Variants in UPB1 observed in about 807,000 individuals in gnomAD.
The protein encoded by UPB1 is beta-ureidopropionase 1.
Under a neutral mutation model 49.1 loss-of-function variants are expected in UPB1, and 40 were observed. That is an observed-to-expected ratio of 0.81 (90% confidence interval 0.63 to 1.06). The LOEUF (loss-of-function observed/expected upper bound fraction) is 1.06, where lower values mean the gene tolerates loss of function less well. Ranked by LOEUF, UPB1 falls within the 50% of genes least tolerant of loss-of-function variation. UPB1 has a pLI of 0.00. For missense variants in UPB1, 499 were observed against 505.9 expected, an observed-to-expected ratio of 0.99 and a Z score of 0.13; for synonymous variants, 207 against 198.2, an observed-to-expected ratio of 1.04 and a Z score of -0.38.
At chr22:24,510,084 TAGCCAGG>T (rs2044170328) in intron 3 of UPB1, among the ~76,000 whole-genome samples, 1 of 151,854 alleles carries the variant, frequency 6.6e-6, no homozygotes, top group Admixed American at 6.6e-5. Flanking sequence ...AATACAAAAT[TAGCCAGG>T]CATGGTGGCG....
chr22:24,508,285 G>A (rs963750410), intron 3 of UPB1, among the ~76,000 whole-genome samples: 1 of 152,238 alleles, frequency 6.6e-6, no homozygotes, highest in Non-Finnish European at 1.5e-5. Context: ...GGGGCCAGAT[G>A]TGGTGGCTCA....
chr22:24,515,646 C>T (rs2044281510), intron 6 of UPB1, among the ~76,000 whole-genome samples: 1 of 152,196 alleles, frequency 6.6e-6, no homozygotes, highest in Non-Finnish European at 1.5e-5. Context: ...GAAAATAATT[C>T]CCCCCTTTCC....
chr22:24,508,260 A>G (rs1008012859), intron 3 of UPB1, among the ~76,000 whole-genome samples: 1 of 152,126 alleles, frequency 6.6e-6, no homozygotes, highest in Non-Finnish European at 1.5e-5. Flanking sequence ...TAATCCCTCT[A>G]AAAGTAATGG....
chr22:24,502,351 C>A, intron 3 of UPB1, 138 bp downstream of exon 3: 1 of 934,762 alleles, frequency 1.1e-6, no homozygotes, highest in Non-Finnish European at 1.8e-6. Flanking sequence ...CCGTCCACAT[C>A]ACCAGGAACC....
intron 6 of UPB1, among the ~76,000 whole-genome samples, chr22:24,517,375 G>A (rs1012795178): frequency 6.6e-6 from 1 of 152,226 alleles, no homozygotes; most frequent in Non-Finnish European, 1.5e-5. Flanking sequence ...CAGCTACCAG[G>A]CCTGGGCAGA....
rs1189618089 is a variant in UPB1, at chr22:24,515,051, T to G, written c.622-150T>G. Reference sequence around the variant, plus strand: ...GGTGTCAGGGTTTTTTTGTGTGTGTTTTGTTTTTATCATATTGAAATTCTG... The same window carrying G: ...GGTGTCAGGGTTTTTTTGTGTGTGTGTTGTTTTTATCATATTGAAATTCTG... On this transcript the variant is annotated intron_variant, in intron 5 of 9. Coordinates refer to ENST00000326010, the MANE Select transcript of UPB1 (RefSeq NM_016327.3). 11 of 1,054,058 alleles carry G rather than the reference T, an allele frequency of 1.0e-5. No individual in the cohort carries two copies. In the Admixed American group the frequency reaches 2.2e-4, roughly 21 times the overall value. 65.3% of individuals were successfully genotyped at this position (1,054,058 alleles called of 1,614,324 possible).
At chr22:24,523,157 C>G (rs1389976125) in intron 8 of UPB1, among the ~76,000 whole-genome samples, 2 of 152,132 alleles carry the variant, frequency 1.3e-5, no homozygotes, top group African/African-American at 4.8e-5. Context: ...ATGCTAGGCC[C>G]TGCCCAGCCC....
At chr22:24,506,139 G>A (rs1003163448) in intron 3 of UPB1, among the ~76,000 whole-genome samples, 9 of 150,982 alleles carry the variant, frequency 6.0e-5, no homozygotes, top group Non-Finnish European at 1.2e-4. Context: ...TCCTGCCTCA[G>A]CCTCCTGAGT....
chr22:24,522,044 C>T lies in UPB1; in HGVS notation c.916+16C>T, dbSNP rs1318413591. On this transcript the variant is annotated intron_variant, in intron 8 of 9. Coordinates refer to ENST00000326010, the MANE Select transcript of UPB1 (RefSeq NM_016327.3). ...GGAAAGAAAGGTATGTCCCATGAACCATGGTGGCTGCAGTTGAGGAGTGGG... is the reference window on the plus strand; with the variant it reads ...GGAAAGAAAGGTATGTCCCATGAACTATGGTGGCTGCAGTTGAGGAGTGGG... 1 of 1,613,394 alleles carries T rather than the reference C, an allele frequency of 6.2e-7. No homozygotes were observed. Among genetic ancestry groups the T allele is most frequent in the Non-Finnish European group, 8.5e-7 (1 of 1,179,918 alleles).
At position 24,502,170 on chromosome 22, in the gene UPB1, T is replaced by A. The variant is rs776702958; in HGVS notation, c.321T>A (p.Ala107=). ...GCATAAAGGCTATCGTAGAGGTGGC[T>A]GCAATGTGTGGAGTCAACATCATCT... ...HRRIKAIVEV[A]AMCGVNIICF... Residue 107 remains alanine (A), a synonymous_variant, in exon 3 of 10, where the codon GCT becomes GCA. Coordinates refer to ENST00000326010, the MANE Select transcript of UPB1 (RefSeq NM_016327.3). 6.2e-7 allele frequency: 1 copy of A among 1,614,234 alleles called. No individual in the cohort carries two copies. Among genetic ancestry groups the A allele is most frequent in the East Asian group, 2.2e-5 (1 of 44,888 alleles).
At chr22:24,516,998 A>G (rs2044306628) in intron 6 of UPB1, among the ~76,000 whole-genome samples, 1 of 152,240 alleles carries the variant, frequency 6.6e-6, no homozygotes, top group Non-Finnish European at 1.5e-5. Context: ...TGCTGGGATT[A>G]CAAGCGTGAG....
Position 24,509,361 on chromosome 22 carries a change from G to GAAAAAAAAAAA in UPB1, c.365-1363_365-1353dup, listed in dbSNP as rs202081655. On this transcript the variant is annotated intron_variant, in intron 3 of 9. Transcript: ENST00000326010. ...ATCTGTGTGTATGTACCTACTGTTT[G>GAAAAAAAAAAA]AAAAAAAAAAAAAAAAAAAAAAAAA... Among the ~76,000 whole-genome samples the GAAAAAAAAAAA allele has an allele frequency of 2.5e-4, 23 of 92,146 alleles. 1 individual carries two copies. The highest frequency in any genetic ancestry group is 4.5e-4 in the South Asian group (1 of 2,218). The allele number at this position is 92,146 out of a possible 152,430, so 60.5% of individuals were successfully genotyped here.
At chr22:24,524,270 C>T (rs2044446025) in intron 9 of UPB1, among the ~76,000 whole-genome samples, 4 of 152,124 alleles carry the variant, frequency 2.6e-5, no homozygotes, top group African/African-American at 9.7e-5. Context: ...CCTTGTGCTC[C>T]CAAGCCTTAG....
At chr22:24,502,708 A>T in intron 3 of UPB1, 2 of 585,314 alleles carry the variant, frequency 3.4e-6, no homozygotes, top group South Asian at 4.3e-5. Flanking sequence ...CCCAGCATCA[A>T]CACTGAGCTA....
rs763376783 is a variant in UPB1, at chr22:24,502,213, A to G, written c.364A>G (p.Thr122Ala). 40 of 1,613,914 alleles carry G rather than the reference A, an allele frequency of 2.5e-5. No individual in the cohort carries two copies. The highest frequency in any genetic ancestry group is 3.3e-5 in the Non-Finnish European group (39 of 1,179,958). The change falls in exon 3 of 10, where the codon ACT (threonine) becomes GCT (alanine). Residue 122 changes from threonine (T) to alanine (A), a missense_variant and splice_region_variant. Physicochemically the swap from Thr to Ala is moderately conservative, Grantham distance 58. Transcript: ENST00000326010. ...VNIICFQEAW[T>A]MPFAFCTREK... is the part of the protein sequence containing the mutation. The stretch of plus-strand genomic sequence containing the variant: ...CATCATCTGTTTCCAGGAAGCATGG[A>G]GTGAGTCTTTTTTATGGTGCTTTCT...
chr22:24,502,024 T>C, intron 2 of UPB1, 102 bp from the exon 3 acceptor site: 1 of 1,196,594 alleles, frequency 8.4e-7, no homozygotes, highest in Admixed American at 1.7e-5. Flanking sequence ...TCCTCATACC[T>C]GCCCAGGTGG....
intron 2 of UPB1, among the ~76,000 whole-genome samples, chr22:24,500,882 T>A (rs568635306): frequency 6.6e-6 from 1 of 152,326 alleles, no homozygotes; most frequent in Non-Finnish European, 1.5e-5. Context: ...GCTCAAACTT[T>A]CAGGGATTTT....
At chr22:24,523,592 C>G (rs762037826) in intron 8 of UPB1, 27 bp from the exon 9 acceptor site, 1 of 1,614,044 alleles carries the variant, frequency 6.2e-7, no homozygotes, top group Non-Finnish European at 8.5e-7. Flanking sequence ...CACAAGCTCA[C>G]AGATGTGTTT....
chr22:24,513,006 C>A (rs1453340314), intron 4 of UPB1, among the ~76,000 whole-genome samples: 1 of 152,240 alleles, frequency 6.6e-6, no homozygotes, highest in Non-Finnish European at 1.5e-5. Flanking sequence ...CAAATCTCTT[C>A]TGCTTTCAAT....
Sources: allele counts gnomAD v4.1 joint callset (sites outside exome capture counted in the v4.1 genomes callset), GRCh38; gene constraint gnomAD v4.1.1; transcripts MANE v1.5; gene names NCBI Gene and HGNC (gene_info 2026-07-23, HGNC 2026-07-21).